Variants in PTPRG observed in about 807,000 individuals in gnomAD.
PTPRG encodes the protein receptor-type tyrosine-protein phosphatase gamma.
In PTPRG, 102 loss-of-function variants were observed where a neutral mutation model predicts 165.3. That is an observed-to-expected ratio of 0.62 (90% CI 0.53 to 0.73). PTPRG has a LOEUF of 0.73. Ranked by LOEUF, PTPRG falls within the 30% of genes least tolerant of loss-of-function variation. The probability of loss-of-function intolerance (pLI) is 0.00; values close to 1 mark genes in which losing one functional copy is unlikely to be tolerated. For synonymous variants in PTPRG, 675 were observed against 669.5 expected, an observed-to-expected ratio of 1.01 and a Z score of -0.13; for missense variants, 1,866 against 1,861.4, an observed-to-expected ratio of 1.00 and a Z score of -0.05.
At chr3:62,187,562 G>T (rs1272345473) in intron 8 of PTPRG, among the ~76,000 whole-genome samples, 1 of 152,210 alleles carries the variant, frequency 6.6e-6, no homozygotes, top group Non-Finnish European at 1.5e-5. Flanking sequence ...TACTATCTGT[G>T]CTGCTTTGTG....
rs6779868 is a variant in PTPRG at position 62,116,905 on chromosome 3, T to C, written c.616-15697T>C. Among the ~76,000 whole-genome samples, 1,290 of 152,318 alleles carry C rather than the reference T, an allele frequency of 8.5e-3. 20 individuals carry two copies. The highest frequency in any genetic ancestry group is 0.03 in the African/African-American group (1,233 of 41,574). ...TCTTATAAGTCACCCAGCTTACAAG[T>C]GGATCAGTGACCTGACAGTCTTGAG... is the stretch of plus-strand genomic sequence containing the variant. On this transcript the variant is annotated intron_variant, in intron 5 of 29. Transcript: ENST00000474889.
intron 1 of PTPRG, among the ~76,000 whole-genome samples, chr3:61,605,331 C>T (rs1446831047): frequency 6.6e-6 from 1 of 152,150 alleles, no homozygotes; most frequent in Non-Finnish European, 1.5e-5. Flanking sequence ...TCTCGACTCA[C>T]TGCAACCTCT....
intron 1 of PTPRG, among the ~76,000 whole-genome samples, chr3:61,637,360 TG>T (rs1472599930): frequency 2.6e-5 from 4 of 152,206 alleles, no homozygotes; most frequent in African/African-American, 9.6e-5. Context: ...TTTTCTCATC[TG>T]GATAATGCGG....
chr3:61,821,614 TA>T (rs1011053799), intron 2 of PTPRG, among the ~76,000 whole-genome samples: 3 of 151,966 alleles, frequency 2.0e-5, no homozygotes, highest in African/African-American at 4.8e-5. Flanking sequence ...ATAAAGCTAA[TA>T]AAGGAAGGCT....
intron 4 of PTPRG, among the ~76,000 whole-genome samples, chr3:62,014,662 G>T (rs770936520): frequency 6.6e-6 from 1 of 152,044 alleles, no homozygotes; most frequent in African/African-American, 2.4e-5. Flanking sequence ...GAAACCTCAC[G>T]CACTCCCCTT....
chr3:61,805,530 C>G (rs201531079), intron 2 of PTPRG, among the ~76,000 whole-genome samples: 2 of 96,534 alleles, frequency 2.1e-5, no homozygotes, highest in Non-Finnish European at 2.3e-5. Context: ...ATGGGAAAGA[C>G]AAAAAAAAAA....
At chr3:62,200,395 C>T (rs986035467) in intron 10 of PTPRG, among the ~76,000 whole-genome samples, 1 of 152,046 alleles carries the variant, frequency 6.6e-6, no homozygotes, top group Non-Finnish European at 1.5e-5. Flanking sequence ...CTCAGCCTCC[C>T]GAGTAGCTGG....
At chr3:62,011,340 C>T (rs2041419605) in intron 4 of PTPRG, among the ~76,000 whole-genome samples, 1 of 152,174 alleles carries the variant, frequency 6.6e-6, no homozygotes, top group South Asian at 2.1e-4. Context: ...TTACTGTCTG[C>T]CTATAGAAAG....
intron 1 of PTPRG, among the ~76,000 whole-genome samples, chr3:61,707,313 GA>G (rs549285763): frequency 5.0e-4 from 76 of 152,338 alleles, no homozygotes; most frequent in African/African-American, 1.8e-3. Context: ...TATATGGAGA[GA>G]AAGATTTATT....
chr3:62,062,789 A>T (rs1050953576), intron 4 of PTPRG, among the ~76,000 whole-genome samples: 6 of 152,082 alleles, frequency 3.9e-5, no homozygotes, highest in Non-Finnish European at 8.8e-5. Flanking sequence ...CAGCCTCCCA[A>T]GTAGCATGGA....
At chr3:61,930,342 C>G (rs2039327652) in intron 2 of PTPRG, among the ~76,000 whole-genome samples, 1 of 152,156 alleles carries the variant, frequency 6.6e-6, no homozygotes, top group Admixed American at 6.5e-5. Context: ...CCCAGGGACA[C>G]CAACGAGTTT....
chr3:61,636,103 A>G (rs777781883), intron 1 of PTPRG, among the ~76,000 whole-genome samples: 18 of 152,264 alleles, frequency 1.2e-4, no homozygotes, highest in Middle Eastern at 3.4e-3. Flanking sequence ...TAGCTTTCCT[A>G]TCGTCTAAAG....
chr3:61,929,365 T>C (rs562352491), intron 2 of PTPRG, among the ~76,000 whole-genome samples: 1 of 152,358 alleles, frequency 6.6e-6, no homozygotes, highest in Non-Finnish European at 1.5e-5. Context: ...TTTTGCTTTT[T>C]ACCAGATCGA....
chr3:62,031,029 C>T (rs1422848734), intron 4 of PTPRG, among the ~76,000 whole-genome samples: 1 of 152,156 alleles, frequency 6.6e-6, no homozygotes, highest in African/African-American at 2.4e-5. Context: ...CTAATAGAAC[C>T]TTTATGGCTG....
chr3:61,919,421 G>T (rs1377629159), intron 2 of PTPRG, among the ~76,000 whole-genome samples: 1 of 152,192 alleles, frequency 6.6e-6, no homozygotes, highest in East Asian at 1.9e-4. Flanking sequence ...GTATCCATGT[G>T]GTCATCTGCG....
At chr3:61,783,608 G>T (rs941797704) in intron 2 of PTPRG, among the ~76,000 whole-genome samples, 1 of 152,134 alleles carries the variant, frequency 6.6e-6, no homozygotes, top group Non-Finnish European at 1.5e-5. Flanking sequence ...GGTTGAGATG[G>T]TGTGTGCTGC....
intron 1 of PTPRG, among the ~76,000 whole-genome samples, chr3:61,574,076 G>C (rs1700124314): frequency 6.6e-6 from 1 of 151,550 alleles, no homozygotes. Context: ...TAAATTCTGT[G>C]AATCTGGTGG....
At chr3:62,178,978 A>AT (rs1416606059) in intron 8 of PTPRG, among the ~76,000 whole-genome samples, 7 of 152,208 alleles carry the variant, frequency 4.6e-5, no homozygotes, top group African/African-American at 1.4e-4. Context: ...CCTATGAAAC[A>AT]TGAGGCTGCG....
At chr3:61,983,074 A>G (rs936429000) in intron 2 of PTPRG, among the ~76,000 whole-genome samples, 3 of 152,198 alleles carry the variant, frequency 2.0e-5, no homozygotes, top group Admixed American at 6.5e-5. Flanking sequence ...GAATATTTCT[A>G]TCAACAAAGT....
Sources: allele counts gnomAD v4.1 joint callset (sites outside exome capture counted in the v4.1 genomes callset), GRCh38; gene constraint gnomAD v4.1.1; transcripts MANE v1.5; gene names NCBI Gene and HGNC (gene_info 2026-07-23, HGNC 2026-07-21).